The following ANGPT1 variants were observed in gnomAD, a reference collection of about 807,000 sequenced individuals.
ANGPT1 encodes angiopoietin-1.
A neutral mutation model predicts 62.2 loss-of-function variants in ANGPT1; 17 were observed. The ratio of observed to expected loss-of-function variants is 0.27; its 90% CI spans 0.19 to 0.41. The LOEUF (loss-of-function observed/expected upper bound fraction) is 0.41, where lower values mean the gene tolerates loss of function less well. Among genes scored for constraint, ANGPT1 ranks in the 10% least tolerant of loss-of-function variants. ANGPT1 has a pLI of 1.00. For missense variants in ANGPT1, 478 were observed against 594.9 expected, an observed-to-expected ratio of 0.80 and a Z score of 2.04; for synonymous variants, 199 against 198.9, an observed-to-expected ratio of 1.00 and a Z score of 0.00.
intron 2 of ANGPT1, among the ~76,000 whole-genome samples, chr8:107,338,982 T>G (rs555451222): frequency 6.6e-6 from 1 of 152,346 alleles, no homozygotes; most frequent in African/African-American, 2.4e-5. Flanking sequence ...GAAATCTATT[T>G]TCTTTCTTAT....
intron 3 of ANGPT1, among the ~76,000 whole-genome samples, chr8:107,335,303 A>T (rs1343288231): frequency 6.6e-6 from 1 of 152,186 alleles, no homozygotes; most frequent in Non-Finnish European, 1.5e-5. Flanking sequence ...ATTCAATGGC[A>T]TTTAACCAGT....
chr8:107,452,656 C>T (rs1811809848), intron 1 of ANGPT1, among the ~76,000 whole-genome samples: 1 of 151,860 alleles, frequency 6.6e-6, no homozygotes, highest in African/African-American at 2.4e-5. Flanking sequence ...GCTTCATATA[C>T]ATATTTCTTA....
chr8:107,471,928 C>T lies in ANGPT1; in HGVS notation c.297+25334G>A, dbSNP rs117704026. Among the ~76,000 whole-genome samples, 463 of 152,080 alleles carry T rather than the reference C, an allele frequency of 3.0e-3. 14 individuals are homozygous for T. In the East Asian group the frequency reaches 0.078, roughly 26 times the overall value. Reference sequence around the variant, plus strand: ...CTCAATTTATTAACTAATAGCTATACTTTTCAGATTTCCTGATGTTATTTT... The same window carrying T: ...CTCAATTTATTAACTAATAGCTATATTTTTCAGATTTCCTGATGTTATTTT... On this transcript the variant is annotated intron_variant, in intron 1 of 8. Transcript: ENST00000517746.
intron 1 of ANGPT1, among the ~76,000 whole-genome samples, chr8:107,370,174 A>G (rs926318168): frequency 9.1e-6 from 1 of 110,416 alleles, no homozygotes; most frequent in African/African-American, 3.1e-5. Flanking sequence ...GAAAGAGAGA[A>G]AGAAGAAAGA....
intron 1 of ANGPT1, among the ~76,000 whole-genome samples, chr8:107,439,498 G>C (rs1811416926): frequency 1.3e-5 from 2 of 152,192 alleles, no homozygotes; most frequent in Non-Finnish European, 2.9e-5. Flanking sequence ...ATGGCTGTCA[G>C]AGAGCTTGGT....
chr8:107,356,491 C>T (rs1055529320), intron 1 of ANGPT1, among the ~76,000 whole-genome samples: 14 of 152,216 alleles, frequency 9.2e-5, no homozygotes, highest in African/African-American at 2.9e-4. Context: ...TAAGTCTTTC[C>T]AGAGGCAGTC....
chr8:107,366,964 G>C (rs980689223), intron 1 of ANGPT1, among the ~76,000 whole-genome samples: 1 of 152,086 alleles, frequency 6.6e-6, no homozygotes, highest in Non-Finnish European at 1.5e-5. Flanking sequence ...AGACCCACAT[G>C]GTGAGAAACT....
chr8:107,426,240 T>A (rs1463491604), intron 1 of ANGPT1, among the ~76,000 whole-genome samples: 3 of 152,086 alleles, frequency 2.0e-5, no homozygotes, highest in Non-Finnish European at 4.4e-5. Flanking sequence ...CACTGCCAGA[T>A]AAATCTGCCT....
Position 107,311,765 on chromosome 8 carries a change from A to C in ANGPT1, c.809-8398T>G, listed in dbSNP as rs115118289. ...TTCAATGCCTATTACTACCTAAAGT[A>C]ATCAAGAATGGGGAAAAAGCTGGGT... On this transcript the variant is annotated intron_variant, in intron 4 of 8. Coordinates refer to ENST00000517746, the MANE Select transcript of ANGPT1 (RefSeq NM_001146.5). Among the ~76,000 whole-genome samples, 614 of 152,302 alleles carry C rather than the reference A, an allele frequency of 4.0e-3. 5 individuals carry two copies. Among genetic ancestry groups the C allele is most frequent in the African/African-American group, 0.014 (568 of 41,568 alleles).
chr8:107,335,113 T>C (rs568989131), intron 3 of ANGPT1, among the ~76,000 whole-genome samples: 15 of 152,346 alleles, frequency 9.8e-5, no homozygotes, highest in Admixed American at 7.8e-4. Flanking sequence ...CCATGTGTTA[T>C]AGTGGAAAGA....
intron 1 of ANGPT1, among the ~76,000 whole-genome samples, chr8:107,491,812 G>A (rs1349563462): frequency 6.6e-6 from 1 of 152,142 alleles, no homozygotes; most frequent in Non-Finnish European, 1.5e-5. Flanking sequence ...GGGGGGAAAT[G>A]ACATTCTTAT....
chr8:107,458,626 C>T (rs1811985456), intron 1 of ANGPT1, among the ~76,000 whole-genome samples: 1 of 152,078 alleles, frequency 6.6e-6, no homozygotes, highest in South Asian at 2.1e-4. Flanking sequence ...ATTCTAAATG[C>T]ATCAGAATGT....
intron 1 of ANGPT1, among the ~76,000 whole-genome samples, chr8:107,395,082 G>A (rs946432579): frequency 6.6e-6 from 1 of 152,150 alleles, no homozygotes; most frequent in South Asian, 2.1e-4. Context: ...CCAAAATAGA[G>A]TGAGCTGCCT....
intron 7 of ANGPT1, among the ~76,000 whole-genome samples, chr8:107,265,321 G>C (rs927219435): frequency 6.6e-6 from 1 of 152,112 alleles, no homozygotes; most frequent in Non-Finnish European, 1.5e-5. Flanking sequence ...TATTGTCCTA[G>C]AATCCGAGAA....
intron 1 of ANGPT1, among the ~76,000 whole-genome samples, chr8:107,451,927 A>T (rs1306291133): frequency 6.6e-6 from 1 of 151,850 alleles, no homozygotes; most frequent in Non-Finnish European, 1.5e-5. Flanking sequence ...GTTTTTCACC[A>T]TGTTGATCTT....
At chr8:107,375,741 C>T (rs1368369295) in intron 1 of ANGPT1, among the ~76,000 whole-genome samples, 1 of 152,074 alleles carries the variant, frequency 6.6e-6, no homozygotes, top group Non-Finnish European at 1.5e-5. Flanking sequence ...AGGAAAGTAC[C>T]AGCAACAAGA....
Position 107,280,153 on chromosome 8 carries a change from C to A in ANGPT1, c.1205+4529G>T, listed in dbSNP as rs569821894. Among the ~76,000 whole-genome samples the A allele has an allele frequency of 2.6e-5, 4 of 152,074 alleles. No homozygotes were observed. The East Asian group carries it at 7.7e-4, about 29-fold the overall frequency. On this transcript the variant is annotated intron_variant, in intron 7 of 8. Transcript: ENST00000517746. ...TCTTATATTGACCAGTCATTAGATA[C>A]AATGTATCTTGCAAGAAGTAATCTT...
Position 107,251,846 on chromosome 8 carries a change from A to C in ANGPT1, c.*9T>G. ...TGTTGCTTTCATAATCGCTTCTGAC[A>C]TTGCGCTTTCAAAAATCTAAAGGTC... On this transcript the variant is annotated 3_prime_UTR_variant, in exon 9 of 9. Coordinates refer to ENST00000517746, the MANE Select transcript of ANGPT1 (RefSeq NM_001146.5). The C allele has an allele frequency of 6.2e-7, 1 of 1,613,718 alleles. No homozygotes were observed. Among genetic ancestry groups the C allele is most frequent in the Non-Finnish European group, 8.5e-7 (1 of 1,179,736 alleles).
At chr8:107,280,197 T>C (rs1813968613) in intron 7 of ANGPT1, among the ~76,000 whole-genome samples, 1 of 151,840 alleles carries the variant, frequency 6.6e-6, no homozygotes, top group African/African-American at 2.4e-5. Flanking sequence ...TTACTTTCTT[T>C]CTTTTTTTAT....
Sources: gnomAD v4.1 joint callset for allele counts (sites outside exome capture counted in the v4.1 genomes callset) on GRCh38, gnomAD v4.1.1 for gene constraint, MANE v1.5 for transcripts, NCBI Gene and HGNC (gene_info 2026-07-23, HGNC 2026-07-21) for gene names.